CCHCR1: variants seen among roughly 807,000 people sequenced by gnomAD.
CCHCR1 encodes HCR (a-helix coiled-coil rod homologue).
In CCHCR1, 91 loss-of-function variants were observed where a neutral mutation model predicts 114.6. That is an observed-to-expected ratio of 0.79 (90% CI 0.67 to 0.94). The LOEUF (loss-of-function observed/expected upper bound fraction) is 0.94, where lower values mean the gene tolerates loss of function less well. Ranked by LOEUF, CCHCR1 falls within the 40% of genes least tolerant of loss-of-function variation. CCHCR1 has a pLI of 0.00. For missense variants in CCHCR1, 899 were observed against 1,079.9 expected (o/e 0.83, Z 2.35); for synonymous variants, 379 against 428.5 (o/e 0.88, Z 1.43).
Position 31,144,891 on chromosome 6 carries a change from C to G in CCHCR1, c.2059G>C (p.Gly687Arg), listed in dbSNP as rs756252094. The G allele has an allele frequency of 2.5e-6, 4 of 1,613,564 alleles. No homozygotes were observed. The Admixed American group carries it at 5.0e-5, about 20-fold the overall frequency. ...QELTQQQELY[G>R]QALQEKVAEV... ...CCCATTTCCCTCTCGACACCTTGCC[C>G]GTAGAGTTCCTGCTGCTGGGTCAGC... Residue 687 changes from glycine to arginine, a missense_variant, in exon 14 of 18, where the codon GGG (glycine) becomes CGG (arginine). Physicochemically the swap from Gly to Arg is moderately radical, Grantham distance 125. Transcript: ENST00000396268. The surrounding 1 kb of genome is among the most constrained non-coding windows in gnomAD (Gnocchi z 4.6).
At position 31,154,931 on chromosome 6, in the gene CCHCR1, G is replaced by A; in HGVS notation, c.498-132C>T. On this transcript the variant is annotated intron_variant, in intron 3 of 17. Transcript: ENST00000396268. This position sits in a 1 kb window ranked among gnomAD's most constrained non-coding sequence, Gnocchi z 4.1. ...GTGGGGAGGTGAAGGGGGTGCTGAAGCTGGGGTATGGGGATGTCTGCATTG... is the reference window on the plus strand; with the variant it reads ...GTGGGGAGGTGAAGGGGGTGCTGAAACTGGGGTATGGGGATGTCTGCATTG... The A allele has an allele frequency of 2.6e-6, 2 of 770,198 alleles. No individual in the cohort carries two copies. Among genetic ancestry groups the A allele is most frequent in the Non-Finnish European group, 4.1e-6 (2 of 492,992 alleles). 47.7% of individuals were successfully genotyped at this position (770,198 alleles called of 1,614,324 possible). A position where few individuals can be genotyped will look rare whatever the true frequency, so the allele number is the denominator to read the frequency against.
At chr6:31,152,259 G>T in intron 4 of CCHCR1, among the ~76,000 whole-genome samples, 1 of 144,868 alleles carries the variant, frequency 6.9e-6, no homozygotes, top group Non-Finnish European at 1.5e-5. Flanking sequence ...TCCAGCCTGG[G>T]CGACAGAGCG....
At chr6:31,155,039 C>T (rs912141611) in intron 3 of CCHCR1, among the ~76,000 whole-genome samples, 7 of 152,130 alleles carry the variant, frequency 4.6e-5, no homozygotes, top group African/African-American at 1.7e-4. Context: ...TGGCTGAGAT[C>T]GTGGAACATG....
chr6:31,145,392 G>T, intron 12 of CCHCR1, 56 bp downstream of exon 12: 1 of 1,612,498 alleles, frequency 6.2e-7, no homozygotes, highest in Non-Finnish European at 8.5e-7. Context: ...TGGTTTTGGG[G>T]GTCCCAGCAG....
rs538117750 is a variant in CCHCR1, at chr6:31,142,768, TAC to T, written c.2492-54_2492-53del. 2.2e-3 allele frequency: 3,413 copies of T among 1,585,668 alleles called. 6 individuals carry two copies. Among genetic ancestry groups the T allele is most frequent in the Admixed American group, 2.6e-3 (153 of 58,748 alleles). ...CCAGACAAGGGAAGGTGCTCGTGGT[TAC>T]AGAGGAAACAGGGCTGGCACAGGAA... On this transcript the variant is annotated intron_variant, in intron 17 of 17. Coordinates refer to ENST00000396268, the MANE Select transcript of CCHCR1 (RefSeq NM_001105564.2).
intron 8 of CCHCR1, 54 bp from the exon 9 acceptor site, chr6:31,148,782 G>A: frequency 3.2e-6 from 3 of 923,320 alleles, no homozygotes; most frequent in Non-Finnish European, 3.4e-6. Context: ...AGATGAGGGG[G>A]GCACTGGAAG....
chr6:31,148,857 G>GGGGGGGGGGC (rs2151021380), intron 8 of CCHCR1, 129 bp from the exon 9 acceptor site: 3 of 84,500 alleles, frequency 3.6e-5, no homozygotes, highest in South Asian at 4.0e-4. Flanking sequence ...GGGGGGGCGG[G>GGGGGGGGGGC]CGACGGGGGT....
intron 9 of CCHCR1, 41 bp downstream of exon 9, chr6:31,148,577 C>G: frequency 1.3e-6 from 2 of 1,590,752 alleles, no homozygotes; most frequent in Non-Finnish European, 1.7e-6. Context: ...GGAACAGGGG[C>G]TCCCTTGCCC....
chr6:31,148,779 G>C (rs765137542), intron 8 of CCHCR1, 51 bp from the exon 9 acceptor site: 2 of 1,128,850 alleles, frequency 1.8e-6, no homozygotes, highest in Non-Finnish European at 2.7e-6. Context: ...AAAAGATGAG[G>C]GGGGCACTGG....
chr6:31,150,687 C>A lies in CCHCR1; in HGVS notation c.1101+38G>T. ...GGCCACGCTTGCCTCCCAACCTGAT[C>A]CCTAAGTCTGCACACAGATACATTC... On this transcript the variant is annotated intron_variant, in intron 6 of 17. Transcript: ENST00000396268. The surrounding 1 kb of genome is among the most constrained non-coding windows in gnomAD (Gnocchi z 5.3). 1 of 1,606,160 alleles carries A rather than the reference C, an allele frequency of 6.2e-7. No individual in the cohort carries two copies. The highest frequency in any genetic ancestry group is 8.5e-7 in the Non-Finnish European group (1 of 1,176,188).
At position 31,151,021 on chromosome 6, in the gene CCHCR1, T is replaced by A. The variant is rs1165429508; in HGVS notation, c.903A>T (p.Ala301=). The A allele has an allele frequency of 6.2e-7, 1 of 1,612,942 alleles. No homozygotes were observed. The highest frequency in any genetic ancestry group is 8.5e-7 in the Non-Finnish European group (1 of 1,180,038). Residue 301 remains alanine, a synonymous_variant, in exon 5 of 18, where the codon GCA becomes GCT. Transcript: ENST00000396268. This position sits in a 1 kb window ranked among gnomAD's most constrained non-coding sequence, Gnocchi z 4.1. ...CCTCGGCCAGCTCCTTGGCTTCCCCTGCTCTTCTGGTTTCCAGACTACTCA... is the reference window on the plus strand; with the variant it reads ...CCTCGGCCAGCTCCTTGGCTTCCCCAGCTCTTCTGGTTTCCAGACTACTCA... ...KSLSSLETRR[A]GEAKELAEAQ... is the part of the protein sequence containing the mutation.
Position 31,147,399 on chromosome 6 carries a change from CAAAAAAA to C in CCHCR1, c.1580+999_1580+1005del, listed in dbSNP as rs9278998. On this transcript the variant is annotated intron_variant, in intron 10 of 17. Coordinates refer to ENST00000396268, the MANE Select transcript of CCHCR1 (RefSeq NM_001105564.2). ...TGGGTGACAGTGCGAGACTCTGTCT[CAAAAAAA>C]AAAAAAAAAAAAAAAAGAACTACCT... Among the ~76,000 whole-genome samples the C allele has an allele frequency of 5.8e-4, 74 of 126,972 alleles. No individual in the cohort carries two copies. The Middle Eastern group carries it at 0.012, about 21-fold the overall frequency. 83.3% of individuals were successfully genotyped at this position (126,972 alleles called of 152,430 possible). A position where few individuals can be genotyped will look rare whatever the true frequency, so the allele number is the denominator to read the frequency against.
At chr6:31,146,810 T>C (rs1774401251) in intron 10 of CCHCR1, among the ~76,000 whole-genome samples, 1 of 152,126 alleles carries the variant, frequency 6.6e-6, no homozygotes, top group African/African-American at 2.4e-5. Flanking sequence ...GGTACCAAAG[T>C]CAAACCCTGT....
chr6:31,148,613 C>G lies in CCHCR1; in HGVS notation c.1473+5G>C, dbSNP rs1487128752. 6.2e-7 allele frequency: 1 copy of G among 1,609,676 alleles called. No homozygotes were observed. Among genetic ancestry groups the G allele is most frequent in the Non-Finnish European group, 8.5e-7 (1 of 1,177,044 alleles). ...TCCCCGAGTCTCTAGTAGGCTGACA[C>G]CAACCTTGGCACCCATACGCTCCAC... On this transcript the variant is annotated splice_donor_5th_base_variant and intron_variant, in intron 9 of 17. Coordinates refer to ENST00000396268, the MANE Select transcript of CCHCR1 (RefSeq NM_001105564.2).
chr6:31,150,798 C>T lies in CCHCR1; in HGVS notation c.1028G>A (p.Gly343Glu), dbSNP rs1295095961. The change falls in exon 6 of 18, where the codon GGG (glycine) becomes GAG (glutamate). Residue 343 changes from glycine to glutamate, a missense_variant. Transcript: ENST00000396268. This position sits in a 1 kb window ranked among gnomAD's most constrained non-coding sequence, Gnocchi z 5.3. ...GTGGACCTCAGAAGGCACTTGTTCC[C>T]CAACATATTTTCTTAGATTCTCAAC... is the stretch of plus-strand genomic sequence containing the variant. ...TLVENLRKYV[G>E]EQVPSEVHSQ... is the part of the protein sequence containing the mutation. The T allele has an allele frequency of 6.2e-7, 1 of 1,613,066 alleles. No individual in the cohort carries two copies. Among genetic ancestry groups the T allele is most frequent in the Non-Finnish European group, 8.5e-7 (1 of 1,180,022 alleles).
At chr6:31,147,530 A>G (rs6903261) in intron 10 of CCHCR1, among the ~76,000 whole-genome samples, 23,613 of 152,132 alleles carry the variant, frequency 0.16, 1,930 homozygotes, top group Non-Finnish European at 0.17. Flanking sequence ...TCATACAACA[A>G]TTGTAGGTAA....
upstream of CCHCR1, chr6:31,157,843 T>C: frequency 3.8e-6 from 2 of 522,332 alleles, no homozygotes; most frequent in Non-Finnish European, 3.2e-6. Context: ...TTTACCCGAA[T>C]CTGGGATCCC....
chr6:31,148,749 A>G (rs3132535), intron 8 of CCHCR1, 21 bp from the exon 9 acceptor site: 1,045,849 of 1,489,176 alleles, frequency 0.7, 367,908 homozygotes, highest in African/African-American at 0.73. Flanking sequence ...AGAGAGAGCT[A>G]GGCAGGGCCC....
At chr6:31,148,380 C>A in intron 10 of CCHCR1, 25 bp downstream of exon 10, 1 of 1,394,028 alleles carries the variant, frequency 7.2e-7, no homozygotes, top group Non-Finnish European at 1.0e-6. Context: ...AAACACTACT[C>A]CACCCACCCC....
Sources: allele counts gnomAD v4.1 joint callset (sites outside exome capture counted in the v4.1 genomes callset), GRCh38; gene constraint gnomAD v4.1.1; non-coding constraint Gnocchi (gnomAD v3.1); transcripts MANE v1.5; gene names NCBI Gene and HGNC (gene_info 2026-07-23, HGNC 2026-07-21).